Variants in ZNF442 observed in about 807,000 individuals in gnomAD.
ZNF442 encodes zinc finger protein 442.
A neutral mutation model predicts 57.0 loss-of-function variants in ZNF442; 45 were observed. The ratio of observed to expected loss-of-function variants is 0.79; its 90% CI spans 0.62 to 1.01. The LOEUF (loss-of-function observed/expected upper bound fraction) is 1.01, where lower values mean the gene tolerates loss of function less well. Among genes scored for constraint, ZNF442 ranks in the 50% least tolerant of loss-of-function variants. ZNF442 has a pLI of 0.00. For synonymous variants in ZNF442, 213 were observed against 241.8 expected, an observed-to-expected ratio of 0.88 and a Z score of 1.10; for missense variants, 690 against 756.5, an observed-to-expected ratio of 0.91 and a Z score of 1.03.
chr19:12,360,712 G>A (rs544913211), intron 3 of ZNF442, among the ~76,000 whole-genome samples: 3 of 152,158 alleles, frequency 2.0e-5, no homozygotes, highest in South Asian at 2.1e-4. Flanking sequence ...AAGTAGCTGC[G>A]ACTTCAGGTG....
chr19:12,350,340 A>C lies in ZNF442; in HGVS notation c.1245T>G (p.Ile415Met). 6.2e-7 allele frequency: 1 copy of C among 1,613,940 alleles called. No homozygotes were observed. Among genetic ancestry groups the C allele is most frequent in the Non-Finnish European group, 8.5e-7 (1 of 1,180,018 alleles). The stretch of plus-strand genomic sequence containing the variant: ...CATGTCCTTGAAATACACTGGGATA[A>C]ATGAAGGCTTTCCCACATACCTTGC... ...HKCKVCGKAFIYPSVFQGHER... is the reference protein window; with the variant it reads ...HKCKVCGKAFMYPSVFQGHER... The change falls in exon 6 of 6, where the codon ATT (isoleucine) becomes ATG (methionine). Residue 415 changes from isoleucine (I) to methionine (M), a missense_variant. Transcript: ENST00000242804.
At chr19:12,356,626 T>C (rs1969333933) in intron 3 of ZNF442, among the ~76,000 whole-genome samples, 1 of 135,046 alleles carries the variant, frequency 7.4e-6, no homozygotes, top group African/African-American at 3.6e-5. Context: ...AAACTCCGTC[T>C]CAAAAAAAAA....
the ZNF442 span, among the ~76,000 whole-genome samples, chr19:12,372,581 T>C: frequency 6.6e-6 from 1 of 152,254 alleles, no homozygotes; most frequent in Non-Finnish European, 1.5e-5. Context: ...CTCATGAATT[T>C]ATGTGTCAAG....
In ZNF442 at chr19:12,365,574, TC is replaced by T; in HGVS notation, c.-525del. 2.4e-6 allele frequency: 1 copy of T among 415,728 alleles called. No homozygotes were observed. The highest frequency in any genetic ancestry group is 4.5e-6 in the Non-Finnish European group (1 of 223,372). 25.8% of individuals were successfully genotyped at this position (415,728 alleles called of 1,614,324 possible). A position where few individuals can be genotyped will look rare whatever the true frequency, so the allele number is the denominator to read the frequency against. ...CGGTGTCCCGTGTTCTCCCCAAGGT[TC>T]CCCGCTGCCAGCATAGGACTCAGCG... On this transcript the variant is annotated 5_prime_UTR_variant, in exon 1 of 6. An upstream open reading frame in the 5' UTR gains an earlier in-frame stop. Coordinates refer to ENST00000242804, the MANE Select transcript of ZNF442 (RefSeq NM_030824.3).
chr19:12,352,893 T>G, intron 4 of ZNF442, 95 bp downstream of exon 4: 2 of 1,465,730 alleles, frequency 1.4e-6, no homozygotes, highest in Non-Finnish European at 1.8e-6. Context: ...GGGTCAACTA[T>G]ATCCCCTTTC....
chr19:12,354,364 A>G (rs1969290950), intron 3 of ZNF442, among the ~76,000 whole-genome samples: 1 of 152,234 alleles, frequency 6.6e-6, no homozygotes, highest in African/African-American at 2.4e-5. Flanking sequence ...AAGGAGAATA[A>G]TGGGGACAGA....
chr19:12,354,324 G>T, intron 3 of ZNF442, among the ~76,000 whole-genome samples: 1 of 152,118 alleles, frequency 6.6e-6, no homozygotes, highest in Non-Finnish European at 1.5e-5. Context: ...CCCAATGCAA[G>T]AATTTTAAAC....
chr19:12,351,019 GT>G lies in ZNF442; in HGVS notation c.565del (p.Thr189ProfsTer12). The G allele has an allele frequency of 6.2e-7, 1 of 1,613,984 alleles. No individual in the cohort carries two copies. The highest frequency in any genetic ancestry group is 1.7e-5 in the Admixed American group (1 of 60,010). ...KRYDCKECGK[T>X]FSSSGNLRRH... ...TCGAAGGTTTCCCGAAGAACTGAAG[GT>G]TTTCCCACATTCCTTACAATCATAG... On this transcript the variant is annotated frameshift_variant, in exon 6 of 6. Transcript: ENST00000242804. LOFTEE classifies it high-confidence loss of function.
chr19:12,369,917 C>A (rs1310838517), upstream of ZNF442, among the ~76,000 whole-genome samples: 2 of 150,002 alleles, frequency 1.3e-5, no homozygotes, highest in Non-Finnish European at 3.0e-5. Flanking sequence ...AAAAAAAAAA[C>A]ACGACGAGAA....
intron 4 of ZNF442, among the ~76,000 whole-genome samples, chr19:12,352,389 T>C (rs1004356287): frequency 2.6e-5 from 4 of 152,104 alleles, no homozygotes; most frequent in Admixed American, 2.6e-4. Context: ...AGCTAATTTC[T>C]AGATTTTTAG....
intron 5 of ZNF442, chr19:12,351,778 C>T: frequency 8.8e-6 from 4 of 452,380 alleles, no homozygotes; most frequent in Non-Finnish European, 1.6e-5. Context: ...GCTGGGATTA[C>T]AGGCGTGAGC....
intron 3 of ZNF442, among the ~76,000 whole-genome samples, chr19:12,361,291 G>A (rs1204300932): frequency 6.6e-6 from 1 of 152,174 alleles, no homozygotes; most frequent in Non-Finnish European, 1.5e-5. Flanking sequence ...TAATAATAAA[G>A]CATTTAGTAA....
chr19:12,365,280 C>G (rs966063785), intron 1 of ZNF442, 37 bp from the exon 2 acceptor site: 1 of 197,822 alleles, frequency 5.1e-6, no homozygotes, highest in East Asian at 1.3e-4. Flanking sequence ...GGAGCTGCCC[C>G]AGAGAGGGCG....
At chr19:12,369,701 T>A (rs1454127089), upstream of ZNF442, among the ~76,000 whole-genome samples, 1 of 151,578 alleles carries the variant, frequency 6.6e-6, no homozygotes, top group African/African-American at 2.4e-5. Flanking sequence ...ATCGAGACCA[T>A]CCTGGGTAAC....
intron 3 of ZNF442, among the ~76,000 whole-genome samples, chr19:12,362,599 G>A (rs1470926209): frequency 1.4e-5 from 2 of 148,114 alleles, no homozygotes; most frequent in African/African-American, 5.0e-5. Context: ...GTGGGGGGCA[G>A]CCCCCGCCTG....
chr19:12,350,245 G>T lies in ZNF442; in HGVS notation c.1340C>A (p.Ser447Tyr). The T allele has an allele frequency of 6.2e-7, 1 of 1,613,544 alleles. No homozygotes were observed. The highest frequency in any genetic ancestry group is 1.1e-5 in the South Asian group (1 of 91,062). ...GTGAGTTGTTTCATGTCTTCGAAGG[G>T]AACTAGAAATACGGAAGGCTTTACC... is the stretch of plus-strand genomic sequence containing the variant. ...ECGKAFRISS[S>Y]LRRHETTHTG... The change falls in exon 6 of 6, where the codon TCC becomes TAC. Residue 447 changes from serine to tyrosine, a missense_variant. Ser to Tyr is a moderately radical substitution (Grantham distance 144). Transcript: ENST00000242804.
In ZNF442 at chr19:12,350,737, T is replaced by C. The variant is rs1247599522; in HGVS notation, c.848A>G (p.His283Arg). The C allele has an allele frequency of 1.2e-6, 2 of 1,614,174 alleles. No homozygotes were observed. The highest frequency in any genetic ancestry group is 1.7e-6 in the Non-Finnish European group (2 of 1,180,046). The change falls in exon 6 of 6, where the codon CAT becomes CGT. Residue 283 changes from histidine to arginine, a missense_variant. Physicochemically the swap from His to Arg is conservative, Grantham distance 29. Transcript: ENST00000242804. ...AFPDYSSYVR[H>R]ERTHTGEKPY... ...TTTTTCTCCAGTGTGAGTTCTTTCATGTCTTACATAGGAACTGTAATCAGG... is the reference window on the plus strand; with the variant it reads ...TTTTTCTCCAGTGTGAGTTCTTTCACGTCTTACATAGGAACTGTAATCAGG...
At chr19:12,352,127 A>G (rs1043391118) in intron 4 of ZNF442, 57 bp from the exon 5 acceptor site, 14 of 1,515,194 alleles carry the variant, frequency 9.2e-6, no homozygotes, top group Non-Finnish European at 1.2e-5. Context: ...TAAAAACACT[A>G]CAAGATTTTA....
In ZNF442 at chr19:12,365,668, G is replaced by A. The variant is rs948266499; in HGVS notation, c.-618C>T. The A allele has an allele frequency of 4.5e-6, 1 of 221,050 alleles. No individual in the cohort carries two copies. The highest frequency in any genetic ancestry group is 9.2e-6 in the Non-Finnish European group (1 of 108,184). 13.7% of individuals were successfully genotyped at this position (221,050 alleles called of 1,614,324 possible). Reference sequence around the variant, plus strand: ...CAGAGCCAGGAGCGGGAGCTCAGAGGGGTGTAGAAAGCTCCACCCTCCTCC... The same window carrying A: ...CAGAGCCAGGAGCGGGAGCTCAGAGAGGTGTAGAAAGCTCCACCCTCCTCC... On this transcript the variant is annotated 5_prime_UTR_variant, in exon 1 of 6. Coordinates refer to ENST00000242804, the MANE Select transcript of ZNF442 (RefSeq NM_030824.3).
Sources: gnomAD v4.1 joint callset for allele counts (sites outside exome capture counted in the v4.1 genomes callset) on GRCh38, gnomAD v4.1.1 for gene constraint, MANE v1.5 for transcripts, NCBI Gene and HGNC (gene_info 2026-07-23, HGNC 2026-07-21) for gene names.